DACH2: variants seen among roughly 807,000 people sequenced by gnomAD.
The protein encoded by DACH2 is dachshund family transcription factor 2.
Under a neutral mutation model 35.8 loss-of-function variants are expected in DACH2, and 17 were observed. The observed-to-expected ratio is 0.48, with a 90% CI of 0.33 to 0.71. The LOEUF (loss-of-function observed/expected upper bound fraction) is 0.71, where lower values mean the gene tolerates loss of function less well. DACH2 is among the 30% of genes least tolerant of loss of function. The probability of loss-of-function intolerance (pLI) is 0.02; values close to 1 mark genes in which losing one functional copy is unlikely to be tolerated. For synonymous variants in DACH2, 195 were observed against 177.3 expected (o/e 1.10, Z -0.79); for missense variants, 469 against 472.7 (o/e 0.99, Z 0.07).
At chrX:86,418,855 C>A (rs1206455002) in intron 2 of DACH2, among the ~76,000 whole-genome samples, 1 of 111,839 alleles carries the variant, frequency 8.9e-6, no homozygotes, top group Non-Finnish European at 1.9e-5. Flanking sequence ...CTCTGCTTCC[C>A]TTATAAAACT....
rs192903207 is a variant in DACH2 at position 86,580,800 on chromosome X, G to A, written c.640+66409G>A. On this transcript the variant is annotated intron_variant, in intron 3 of 11. Transcript: ENST00000373125. ...GAAATAGGGAGAGAAAATAAGCAAC[G>A]TGGAAAACATATTTGAATATATCAT... 2.1e-3 allele frequency among the ~76,000 whole-genome samples: 235 copies of A among 111,929 alleles called. 2 individuals carry two copies. The highest frequency in any genetic ancestry group is 6.9e-3 in the African/African-American group (214 of 30,873).
intron 1 of DACH2, among the ~76,000 whole-genome samples, chrX:86,307,391 A>G (rs1485382990): frequency 8.9e-6 from 1 of 111,904 alleles, no homozygotes; most frequent in Non-Finnish European, 1.9e-5. Flanking sequence ...GAGGGCATTT[A>G]TTGGAAAATA....
chrX:86,218,799 C>A (rs1315939414), intron 1 of DACH2, among the ~76,000 whole-genome samples: 2 of 111,495 alleles, frequency 1.8e-5, no homozygotes, highest in Admixed American at 9.6e-5. Flanking sequence ...AGCTTAAAAT[C>A]AAATTTTATT....
At chrX:86,760,761 C>T (rs2041872148) in intron 7 of DACH2, among the ~76,000 whole-genome samples, 1 of 109,625 alleles carries the variant, frequency 9.1e-6, no homozygotes, top group Non-Finnish European at 1.9e-5. Flanking sequence ...TTGGAGGTGT[C>T]ATGTATCTTT....
chrX:86,500,590 T>C (rs763900071), intron 2 of DACH2, among the ~76,000 whole-genome samples: 6 of 111,932 alleles, frequency 5.4e-5, no homozygotes, highest in Non-Finnish European at 9.4e-5. Context: ...CATTGCAATT[T>C]ATCTGGAACA....
intron 3 of DACH2, among the ~76,000 whole-genome samples, chrX:86,561,837 A>C (rs1164987181): frequency 2.8e-5 from 2 of 70,952 alleles, no homozygotes; most frequent in African/African-American, 5.9e-5. Context: ...CCAGCATGGC[A>C]CATGTATACA....
chrX:86,297,043 G>GTATATATATATATATATATATA (rs35078642), intron 1 of DACH2, among the ~76,000 whole-genome samples: 1 of 89,950 alleles, frequency 1.1e-5, no homozygotes, highest in African/African-American at 4.4e-5. Context: ...ATATAATTGT[G>GTATATATATATATATATATATA]TATATATATA....
At chrX:86,613,875 A>C (rs1480585471) in intron 3 of DACH2, among the ~76,000 whole-genome samples, 1 of 111,933 alleles carries the variant, frequency 8.9e-6, no homozygotes, top group Non-Finnish European at 1.9e-5. Context: ...TAATTTATAA[A>C]ATATTATTCA....
At chrX:86,554,257 G>T (rs1312588274) in intron 3 of DACH2, among the ~76,000 whole-genome samples, 1 of 110,812 alleles carries the variant, frequency 9.0e-6, no homozygotes, top group African/African-American at 3.3e-5. Context: ...TAACAATAAT[G>T]ATATTATTAA....
chrX:86,426,840 T>C (rs758427734), intron 2 of DACH2, among the ~76,000 whole-genome samples: 2 of 111,817 alleles, frequency 1.8e-5, no homozygotes, highest in Non-Finnish European at 1.9e-5. Flanking sequence ...AAATGAACAA[T>C]AACCAGAAAT....
At chrX:86,784,176 A>G (rs2042115532) in intron 7 of DACH2, among the ~76,000 whole-genome samples, 1 of 110,911 alleles carries the variant, frequency 9.0e-6, no homozygotes, top group Non-Finnish European at 1.9e-5. Flanking sequence ...ACAATCTACA[A>G]AGTAAACAGA....
At chrX:86,711,751 C>T (rs746374019) in intron 5 of DACH2, among the ~76,000 whole-genome samples, 1 of 112,114 alleles carries the variant, frequency 8.9e-6, no homozygotes, top group Non-Finnish European at 1.9e-5. Flanking sequence ...TAGGGCATTA[C>T]GGTCAATTGA....
intron 2 of DACH2, among the ~76,000 whole-genome samples, chrX:86,405,586 G>T (rs967487883): frequency 9.0e-6 from 1 of 111,209 alleles, no homozygotes; most frequent in African/African-American, 3.3e-5. Flanking sequence ...CCTGTTTTCT[G>T]AGCTCTCCAA....
At chrX:86,269,036 T>C (rs1268613221) in intron 1 of DACH2, among the ~76,000 whole-genome samples, 1 of 110,937 alleles carries the variant, frequency 9.0e-6, no homozygotes, top group African/African-American at 3.3e-5. Flanking sequence ...CTATTGACTA[T>C]AGTCACCCTG....
At position 86,257,338 on chromosome X, in the gene DACH2, A is replaced by G. The variant is rs376816475; in HGVS notation, c.488+108230A>G. 4.4e-5 allele frequency among the ~76,000 whole-genome samples: 5 copies of G among 112,401 alleles called. No individual in the cohort carries two copies. The South Asian group carries it at 1.8e-3, about 41-fold the overall frequency. ...TTTGGGGTGTCTTGATATTTCCTCT[A>G]AGAAATGGTCTTCCTCTTTCTTCCA... On this transcript the variant is annotated intron_variant, in intron 1 of 11. Coordinates refer to ENST00000373125, the MANE Select transcript of DACH2 (RefSeq NM_053281.3).
At chrX:86,183,908 G>T (rs2031592799) in intron 1 of DACH2, among the ~76,000 whole-genome samples, 1 of 111,460 alleles carries the variant, frequency 9.0e-6, no homozygotes, top group African/African-American at 3.3e-5. Flanking sequence ...ACTTGGGAGG[G>T]TGTATGTGTC....
intron 3 of DACH2, among the ~76,000 whole-genome samples, chrX:86,646,295 G>A (rs2040414352): frequency 9.1e-6 from 1 of 110,089 alleles, no homozygotes; most frequent in African/African-American, 3.3e-5. Flanking sequence ...TCAGAAGGGT[G>A]GGAGGGCAGG....
chrX:86,705,063 A>ATATCTTACATATATATATATATATATC lies in DACH2; in HGVS notation c.932-9480_932-9479insTACATATATATATATATATATCTATCT, dbSNP rs1556379592. ...ATATATATCTCACATATATATATAT[A>ATATCTTACATATATATATATATATATC]TATCTCACATATATATGTGAGATAT... On this transcript the variant is annotated intron_variant, in intron 5 of 11. Transcript: ENST00000373125. 7.7e-3 allele frequency among the ~76,000 whole-genome samples: 802 copies of ATATCTTACATATATATATATATATATC among 104,635 alleles called. 9 individuals are homozygous for ATATCTTACATATATATATATATATATC. Among genetic ancestry groups the ATATCTTACATATATATATATATATATC allele is most frequent in the African/African-American group, 0.027 (770 of 28,050 alleles). 90.9% of individuals were successfully genotyped at this position (104,635 alleles called of 115,157 possible).
intron 2 of DACH2, among the ~76,000 whole-genome samples, chrX:86,498,230 T>C (rs1286682666): frequency 9.0e-6 from 1 of 111,650 alleles, no homozygotes; most frequent in Admixed American, 9.5e-5. Context: ...AAGAAGTAAT[T>C]TGTTGCCTTA....
Sources: gnomAD v4.1 joint callset for allele counts (sites outside exome capture counted in the v4.1 genomes callset) on GRCh38, gnomAD v4.1.1 for gene constraint, MANE v1.5 for transcripts, NCBI Gene and HGNC (gene_info 2026-07-23, HGNC 2026-07-21) for gene names.